The following ORC1 variants were observed in gnomAD, a reference collection of about 807,000 sequenced individuals.
ORC1 encodes origin recognition complex, subunit 1 homolog.
ORC1 carries 61 observed loss-of-function variants against 98.9 expected under a neutral mutation model. That is an observed-to-expected ratio of 0.62 (90% CI 0.50 to 0.76). The LOEUF is 0.76. ORC1 is among the 30% of genes least tolerant of loss of function. The pLI, the probability that ORC1 is intolerant of heterozygous loss-of-function variation, is 0.00. For synonymous variants in ORC1, 385 were observed against 406.9 expected (o/e 0.95, Z 0.65); for missense variants, 979 against 1,072.2 (o/e 0.91, Z 1.21).
intron 14 of ORC1, among the ~76,000 whole-genome samples, chr1:52,379,090 C>T (rs1395745267): frequency 1.3e-5 from 2 of 151,802 alleles, no homozygotes; most frequent in Admixed American, 6.6e-5. Flanking sequence ...GGAAGAGTAG[C>T]GGTTAGTGTA....
chr1:52,406,471 G>A (rs1648001904), upstream of ORC1, among the ~76,000 whole-genome samples: 1 of 152,180 alleles, frequency 6.6e-6, no homozygotes, highest in Admixed American at 6.5e-5. Flanking sequence ...ACAAAAGGTG[G>A]TGGTTAAGAG....
intron 14 of ORC1, among the ~76,000 whole-genome samples, chr1:52,380,665 A>T (rs1299777932): frequency 6.6e-6 from 1 of 152,004 alleles, no homozygotes; most frequent in East Asian, 1.9e-4. Context: ...ACTGCACTCC[A>T]GCCTGGGCGA....
intron 5 of ORC1, among the ~76,000 whole-genome samples, chr1:52,394,082 TGAAATAACCTATCA>T (rs1557581720): frequency 6.6e-6 from 1 of 152,186 alleles, no homozygotes; most frequent in Non-Finnish European, 1.5e-5. Context: ...CAGGTTTCCC[TGAAATAACCTATCA>T]GAACAGTGGG....
At chr1:52,388,693 A>C in intron 7 of ORC1, 56 bp from the exon 8 acceptor site, 1 of 1,451,290 alleles carries the variant, frequency 6.9e-7, no homozygotes, top group South Asian at 1.1e-5. Flanking sequence ...AATAAGAAGA[A>C]CTCTATAACA....
Position 52,401,626 on chromosome 1 carries a change from C to A in ORC1, c.96-137G>T, listed in dbSNP as rs1311241225. The A allele has an allele frequency of 6.9e-6, 7 of 1,020,702 alleles. No homozygotes were observed. The Admixed American group carries it at 1.3e-4, about 18-fold the overall frequency. The allele number at this position is 1,020,702 out of a possible 1,614,324, so 63.2% of individuals were successfully genotyped here. A position where few individuals can be genotyped will look rare whatever the true frequency, so the allele number is the denominator to read the frequency against. The stretch of plus-strand genomic sequence containing the variant: ...CAACTCTCCTACTGGGAAACCAATT[C>A]GCCCAGTTATATTTAAGAATAGGCA... On this transcript the variant is annotated intron_variant, in intron 2 of 16. Coordinates refer to ENST00000371568, the MANE Select transcript of ORC1 (RefSeq NM_004153.4).
chr1:52,387,657 C>T (rs991956371), intron 8 of ORC1, among the ~76,000 whole-genome samples: 1 of 152,114 alleles, frequency 6.6e-6, no homozygotes, highest in Non-Finnish European at 1.5e-5. Flanking sequence ...AGGGTTTCAC[C>T]ATTGTTGGCC....
chr1:52,375,448 G>C lies in ORC1; in HGVS notation c.2285C>G (p.Ser762Ter). Residue 762 changes from serine to a stop codon, truncating the protein, a stop_gained, in exon 15 of 17, where the codon TCA (serine) becomes TGA (stop). Coordinates refer to ENST00000371568, the MANE Select transcript of ORC1 (RefSeq NM_004153.4). LOFTEE classifies it high-confidence loss of function. ...MEAVDEMFSS[S>*]YITAIKNSSV... The stretch of plus-strand genomic sequence containing the variant: ...ATCTTACTTGATGGCCGTGATGTAT[G>C]ATGATGAAAACATCTCATCCACAGC... 1 of 1,614,142 alleles carries C rather than the reference G, an allele frequency of 6.2e-7. No individual in the cohort carries two copies. The highest frequency in any genetic ancestry group is 8.5e-7 in the Non-Finnish European group (1 of 1,180,020).
Position 52,401,624 on chromosome 1 carries a change from T to C in ORC1, c.96-135A>G, listed in dbSNP as rs1046119846. 8 of 1,030,770 alleles carry C rather than the reference T, an allele frequency of 7.8e-6. No homozygotes were observed. In the African/African-American group the frequency reaches 1.3e-4, roughly 16 times the overall value. The allele number at this position is 1,030,770 out of a possible 1,614,324, so 63.9% of individuals were successfully genotyped here. A position where few individuals can be genotyped will look rare whatever the true frequency, so the allele number is the denominator to read the frequency against. On this transcript the variant is annotated intron_variant, in intron 2 of 16. Transcript: ENST00000371568. ...ACCAACTCTCCTACTGGGAAACCAATTCGCCCAGTTATATTTAAGAATAGG... is the reference window on the plus strand; with the variant it reads ...ACCAACTCTCCTACTGGGAAACCAACTCGCCCAGTTATATTTAAGAATAGG...
At chr1:52,392,618 A>G (rs1035907816) in intron 6 of ORC1, among the ~76,000 whole-genome samples, 19 of 152,226 alleles carry the variant, frequency 1.2e-4, no homozygotes, top group African/African-American at 4.6e-4. Flanking sequence ...ACGCATGTTT[A>G]TAGCAGTACA....
In ORC1 at chr1:52,372,960, T is replaced by C; in HGVS notation, c.*221A>G. The C allele has an allele frequency of 1.8e-6, 1 of 557,540 alleles. No homozygotes were observed. The highest frequency in any genetic ancestry group is 5.0e-4 in the Middle Eastern group (1 of 1,992). The allele number at this position is 557,540 out of a possible 1,614,324, so 34.5% of individuals were successfully genotyped here. ...TTTGTAGACTAGCTTGGCAACATGG[T>C]GAAGCCCTGTCTCTACAAAAAATCA... is the stretch of plus-strand genomic sequence containing the variant. On this transcript the variant is annotated 3_prime_UTR_variant, in exon 17 of 17. Transcript: ENST00000371568.
At chr1:52,385,383 T>G in intron 9 of ORC1, 121 bp from the exon 10 acceptor site, 1 of 797,326 alleles carries the variant, frequency 1.3e-6, no homozygotes, top group Non-Finnish European at 2.3e-6. Context: ...AAAACTCAAT[T>G]TCAAATGCTA....
intron 3 of ORC1, among the ~76,000 whole-genome samples, chr1:52,400,828 T>C (rs546142353): frequency 4.6e-5 from 7 of 152,234 alleles, no homozygotes; most frequent in African/African-American, 9.6e-5. Flanking sequence ...TACTCATCTC[T>C]GGTAAATGTC....
intron 2 of ORC1, among the ~76,000 whole-genome samples, chr1:52,401,773 G>T (rs1348678646): frequency 1.3e-5 from 2 of 152,142 alleles, no homozygotes; most frequent in Non-Finnish European, 2.9e-5. Flanking sequence ...GTTTCCCAAG[G>T]CTGTCAAGCT....
At chr1:52,409,416 G>T (rs1471586010), upstream of ORC1, 1 of 152,274 alleles carries the variant, frequency 6.6e-6, no homozygotes, top group Non-Finnish European at 1.5e-5. Flanking sequence ...TTTGAGACCA[G>T]CCTCGTCAGT....
chr1:52,374,574 A>AC (rs1393819696), intron 16 of ORC1, among the ~76,000 whole-genome samples: 1 of 152,218 alleles, frequency 6.6e-6, no homozygotes, highest in African/African-American at 2.4e-5. Context: ...CTTGTTCCTC[A>AC]TTCTTTGAAC....
At position 52,390,916 on chromosome 1, in the gene ORC1, A is replaced by G. The variant is rs182684977; in HGVS notation, c.1083-1595T>C. Among the ~76,000 whole-genome samples, 1,173 of 151,420 alleles carry G rather than the reference A, an allele frequency of 7.7e-3. 16 individuals carry two copies. The highest frequency in any genetic ancestry group is 0.027 in the African/African-American group (1,098 of 41,360). On this transcript the variant is annotated intron_variant, in intron 6 of 16. Transcript: ENST00000371568. ...TCCAAAAAAAGAAAAAAAAAAAAAA[A>G]AAGAAGAAGAAAGAAACTGGATCCT...
chr1:52,374,973 T>C (rs1646975519), intron 15 of ORC1, 76 bp from the exon 16 acceptor site: 2 of 883,248 alleles, frequency 2.3e-6, no homozygotes, highest in South Asian at 1.4e-5. Context: ...AAGAAAACTT[T>C]TCTGTGTCTT....
intron 12 of ORC1, 43 bp downstream of exon 12, chr1:52,383,787 G>A: frequency 7.2e-6 from 11 of 1,524,944 alleles, no homozygotes; most frequent in African/African-American, 1.4e-5. Flanking sequence ...TGCTCCTGAG[G>A]TACAGCCCTG....
chr1:52,385,127 C>T (rs1265228964), intron 10 of ORC1, 34 bp downstream of exon 10: 4 of 1,382,946 alleles, frequency 2.9e-6, no homozygotes, highest in Non-Finnish European at 4.1e-6. Context: ...GGGCCTTATT[C>T]CCCAAACTAC....
Sources: allele counts gnomAD v4.1 joint callset (sites outside exome capture counted in the v4.1 genomes callset), GRCh38; gene constraint gnomAD v4.1.1; transcripts MANE v1.5; gene names NCBI Gene and HGNC (gene_info 2026-07-23, HGNC 2026-07-21).